Variants in KCNH1 observed in about 807,000 individuals in gnomAD.
The protein encoded by KCNH1 is potassium voltage-gated channel subfamily H member 1.
In KCNH1, 27 loss-of-function variants were observed where a neutral mutation model predicts 69.2. The ratio of observed to expected loss-of-function variants is 0.39; its 90% CI spans 0.29 to 0.54. The LOEUF (loss-of-function observed/expected upper bound fraction) is 0.54. Ranked by LOEUF, KCNH1 falls within the 20% of genes least tolerant of loss-of-function variation. The probability of loss-of-function intolerance (pLI) is 0.68; values close to 1 mark genes in which losing one functional copy is unlikely to be tolerated. For missense variants in KCNH1, 798 were observed against 1,261.6 expected (o/e 0.63, Z 5.57); for synonymous variants, 456 against 487.7 (o/e 0.93, Z 0.86).
chr1:211,100,819 A>T (rs1412630478), intron 3 of KCNH1, among the ~76,000 whole-genome samples: 1 of 152,164 alleles, frequency 6.6e-6, no homozygotes, highest in East Asian at 1.9e-4. Flanking sequence ...TCAGAGTGTG[A>T]TCTGTGGACT....
At chr1:210,903,428 T>A (rs368690701) in intron 7 of KCNH1, among the ~76,000 whole-genome samples, 1 of 152,190 alleles carries the variant, frequency 6.6e-6, no homozygotes, top group African/African-American at 2.4e-5. Flanking sequence ...GAAGGGCTCA[T>A]GGCCTCTTAA....
chr1:210,701,043 C>T (rs112970752), intron 10 of KCNH1, among the ~76,000 whole-genome samples: 13,356 of 151,982 alleles, frequency 0.088, 686 homozygotes, highest in Admixed American at 0.14. Flanking sequence ...GTTCACGCCA[C>T]TCTCCTGCCT....
chr1:210,940,272 A>G (rs1298377011), intron 6 of KCNH1, among the ~76,000 whole-genome samples: 1 of 152,234 alleles, frequency 6.6e-6, no homozygotes, highest in African/African-American at 2.4e-5. Flanking sequence ...AGGAAGACAC[A>G]TGCCCTTATG....
At chr1:210,956,542 T>G (rs937921743) in intron 6 of KCNH1, among the ~76,000 whole-genome samples, 2 of 151,356 alleles carry the variant, frequency 1.3e-5, no homozygotes, top group African/African-American at 4.8e-5. Flanking sequence ...TGGAGTTTTT[T>G]TTTTTTTTTT....
chr1:210,950,174 G>A, intron 6 of KCNH1, among the ~76,000 whole-genome samples: 1 of 151,836 alleles, frequency 6.6e-6, no homozygotes, highest in East Asian at 1.9e-4. Context: ...GGGCAAGTGG[G>A]AAGCTGACAG....
At chr1:210,930,210 G>C (rs892835664) in intron 6 of KCNH1, among the ~76,000 whole-genome samples, 1 of 152,120 alleles carries the variant, frequency 6.6e-6, no homozygotes, top group Admixed American at 6.6e-5. Context: ...TCAAGAGAGA[G>C]CCCACATAGC....
chr1:211,082,974 T>C, intron 4 of KCNH1, 76 bp from the exon 5 acceptor site: 2 of 1,238,872 alleles, frequency 1.6e-6, no homozygotes, highest in Non-Finnish European at 2.3e-6. Flanking sequence ...TTACAAGTTA[T>C]ACTGTCAGAA....
intron 7 of KCNH1, among the ~76,000 whole-genome samples, chr1:210,838,059 A>G (rs1685324660): frequency 6.6e-6 from 1 of 152,188 alleles, no homozygotes; most frequent in African/African-American, 2.4e-5. Flanking sequence ...AAAAGGACAA[A>G]GCTGGAAATA....
At chr1:210,812,633 G>A (rs1684729439) in intron 7 of KCNH1, among the ~76,000 whole-genome samples, 1 of 152,192 alleles carries the variant, frequency 6.6e-6, no homozygotes, top group African/African-American at 2.4e-5. Flanking sequence ...ATTAAGTCAG[G>A]TAGCTGTGCT....
intron 10 of KCNH1, among the ~76,000 whole-genome samples, chr1:210,752,274 A>G (rs901414213): frequency 2.6e-5 from 4 of 152,232 alleles, no homozygotes; most frequent in African/African-American, 9.6e-5. Context: ...TTAACCAGCT[A>G]TAATGAAGGA....
At chr1:210,955,203 G>GAT (rs747023268) in intron 6 of KCNH1, among the ~76,000 whole-genome samples, 14 of 152,292 alleles carry the variant, frequency 9.2e-5, no homozygotes, top group Admixed American at 2.0e-4. Context: ...TCAAAGATCA[G>GAT]ATGGTTATAG....
chr1:210,783,920 T>G (rs1216891000), intron 9 of KCNH1, among the ~76,000 whole-genome samples: 2 of 152,202 alleles, frequency 1.3e-5, no homozygotes, highest in East Asian at 3.8e-4. Flanking sequence ...CAAAGGTGCT[T>G]TTTTCACCTG....
chr1:210,797,773 AG>A lies in KCNH1; in HGVS notation c.1663-14del, dbSNP rs1417938023. 6.2e-7 allele frequency: 1 copy of A among 1,605,206 alleles called. No individual in the cohort carries two copies. Among genetic ancestry groups the A allele is most frequent in the East Asian group, 2.2e-5 (1 of 44,656 alleles). On this transcript the variant is annotated splice_polypyrimidine_tract_variant and intron_variant, in intron 8 of 10. Coordinates refer to ENST00000271751, the MANE Select transcript of KCNH1 (RefSeq NM_172362.3). ...AGATCTGCAGGACCTAGCCAGGTAC[AG>A]AAAAAAACAGTGTGAGGGTCCTCAC...
intron 7 of KCNH1, among the ~76,000 whole-genome samples, chr1:210,853,543 G>A (rs1477892499): frequency 6.6e-6 from 1 of 152,196 alleles, no homozygotes; most frequent in Non-Finnish European, 1.5e-5. Context: ...CAGGGCTCCT[G>A]GTGGGCAAGT....
intron 7 of KCNH1, chr1:210,860,014 A>C: frequency 6.3e-7 from 1 of 1,584,960 alleles, no homozygotes; most frequent in South Asian, 1.1e-5. Context: ...AAGGGAATGC[A>C]CTGGTCAACG....
intron 6 of KCNH1, among the ~76,000 whole-genome samples, chr1:211,018,409 T>C (rs1689530805): frequency 6.6e-6 from 1 of 152,218 alleles, no homozygotes; most frequent in African/African-American, 2.4e-5. Context: ...CAGCAGCAGA[T>C]AAAAGAAAAG....
At chr1:210,971,784 G>A (rs902052017) in intron 6 of KCNH1, among the ~76,000 whole-genome samples, 2 of 151,662 alleles carry the variant, frequency 1.3e-5, no homozygotes, top group Non-Finnish European at 2.9e-5. Context: ...CTTATTTTCT[G>A]GTATACATTG....
At chr1:210,916,860 G>T (rs1687342429) in intron 7 of KCNH1, among the ~76,000 whole-genome samples, 1 of 152,006 alleles carries the variant, frequency 6.6e-6, no homozygotes, top group East Asian at 1.9e-4. Flanking sequence ...TTTAAAAAAA[G>T]AAATGGGCTG....
intron 7 of KCNH1, among the ~76,000 whole-genome samples, chr1:210,881,879 G>A (rs554796625): frequency 1.1e-4 from 17 of 152,316 alleles, no homozygotes; most frequent in African/African-American, 3.6e-4. Context: ...GAGTTAGAAG[G>A]ATGAGAGGGA....
Sources: allele counts gnomAD v4.1 joint callset (sites outside exome capture counted in the v4.1 genomes callset), GRCh38; gene constraint gnomAD v4.1.1; transcripts MANE v1.5; gene names NCBI Gene and HGNC (gene_info 2026-07-23, HGNC 2026-07-21).